The following WDFY3 variants were observed in gnomAD, a reference collection of about 807,000 sequenced individuals.
The protein encoded by WDFY3 is WD repeat and FYVE domain-containing protein 3.
In WDFY3, 66 loss-of-function variants were observed where a neutral mutation model predicts 409.6. That is an observed-to-expected ratio of 0.16 (90% CI 0.13 to 0.20). The LOEUF (loss-of-function observed/expected upper bound fraction) is 0.20, where lower values mean the gene tolerates loss of function less well. WDFY3 is among the 10% of genes least tolerant of loss of function. The pLI, the probability that WDFY3 is intolerant of heterozygous loss-of-function variation, is 1.00. For missense variants in WDFY3, 3,031 were observed against 4,298.1 expected, an observed-to-expected ratio of 0.71 and a Z score of 8.24; for synonymous variants, 1,521 against 1,537.1, an observed-to-expected ratio of 0.99 and a Z score of 0.25.
chr4:84,839,507 C>G (rs1757038520), intron 6 of WDFY3, among the ~76,000 whole-genome samples: 1 of 151,856 alleles, frequency 6.6e-6, no homozygotes, highest in Admixed American at 6.6e-5. Flanking sequence ...ATCCTAAAAC[C>G]TGGAAAATCC....
intron 3 of WDFY3, among the ~76,000 whole-genome samples, chr4:84,872,538 A>T (rs1403678459): frequency 6.6e-6 from 1 of 152,132 alleles, no homozygotes; most frequent in Non-Finnish European, 1.5e-5. Context: ...TTAAAACCTG[A>T]GAAGGCAAGA....
intron 5 of WDFY3, among the ~76,000 whole-genome samples, chr4:84,845,379 CAGA>C (rs959460659): frequency 6.6e-5 from 10 of 152,160 alleles, no homozygotes; most frequent in Middle Eastern, 3.4e-3. Context: ...GTCCAACTTA[CAGA>C]AGAAGAAAGC....
rs548139281 is a variant in WDFY3, at chr4:84,814,900, C to T, written c.1887+2492G>A. Among the ~76,000 whole-genome samples the T allele has an allele frequency of 2.0e-5, 3 of 152,162 alleles. No homozygotes were observed. The South Asian group carries it at 6.2e-4, about 32-fold the overall frequency. ...TTTCTGGGGGGTCTTAGAATGTATT[C>T]CCCCGAAGATATGGGGGGACTACCA... is the stretch of plus-strand genomic sequence containing the variant. On this transcript the variant is annotated intron_variant, in intron 13 of 67. Coordinates refer to ENST00000295888, the MANE Select transcript of WDFY3 (RefSeq NM_014991.6).
intron 3 of WDFY3, among the ~76,000 whole-genome samples, chr4:84,881,835 T>C (rs779044232): frequency 1.3e-5 from 2 of 151,684 alleles, no homozygotes; most frequent in Non-Finnish European, 2.9e-5. Flanking sequence ...GAGCTGAGAT[T>C]GTGCCACTGT....
At chr4:84,839,468 G>C (rs1460263801) in intron 6 of WDFY3, among the ~76,000 whole-genome samples, 2 of 151,894 alleles carry the variant, frequency 1.3e-5, no homozygotes, top group Non-Finnish European at 2.9e-5. Context: ...GCCTGAGACT[G>C]TGCAGTATCC....
intron 21 of WDFY3, among the ~76,000 whole-genome samples, chr4:84,793,447 C>A (rs888998959): frequency 1.3e-5 from 2 of 152,178 alleles, no homozygotes; most frequent in Non-Finnish European, 2.9e-5. Context: ...TTTGACTTCA[C>A]AGTCCTTGAG....
chr4:84,914,336 G>T (rs988942986), intron 2 of WDFY3, among the ~76,000 whole-genome samples: 1 of 152,082 alleles, frequency 6.6e-6, no homozygotes, highest in Non-Finnish European at 1.5e-5. Flanking sequence ...CAGGAGAATC[G>T]CTTGAACTTG....
chr4:84,733,345 A>G (rs778480949), intron 44 of WDFY3, 37 bp downstream of exon 44: 1 of 1,580,902 alleles, frequency 6.3e-7, no homozygotes, highest in South Asian at 1.1e-5. Context: ...TAAAAACTTG[A>G]AAGAGCCATT....
chr4:84,803,187 T>C (rs1273253254), intron 16 of WDFY3, 103 bp downstream of exon 16: 2 of 1,259,486 alleles, frequency 1.6e-6, no homozygotes, highest in East Asian at 5.4e-5. Flanking sequence ...CTTTAGTATG[T>C]AATATTAACT....
intron 56 of WDFY3, among the ~76,000 whole-genome samples, chr4:84,698,571 C>T (rs1730531969): frequency 6.6e-6 from 1 of 152,142 alleles, no homozygotes; most frequent in African/African-American, 2.4e-5. Context: ...GTGCTCCGCC[C>T]TTAATTTTGC....
At position 84,833,077 on chromosome 4, in the gene WDFY3, A is replaced by C. The variant is rs556982807; in HGVS notation, c.577-1472T>G. On this transcript the variant is annotated intron_variant, in intron 7 of 67. Transcript: ENST00000295888. ...AAGTCTGGCTTTCAAAGAAGACTCA[A>C]GACTTCTTAAGTACTGGAATGAGAA... Among the ~76,000 whole-genome samples the C allele has an allele frequency of 9.2e-5, 14 of 152,144 alleles. No homozygotes were observed. In the South Asian group the frequency reaches 2.3e-3, roughly 25 times the overall value.
intron 47 of WDFY3, among the ~76,000 whole-genome samples, chr4:84,721,101 C>A (rs1181705250): frequency 6.6e-6 from 1 of 152,184 alleles, no homozygotes; most frequent in African/African-American, 2.4e-5. Flanking sequence ...GGCCAGATTA[C>A]TGAATAGGCT....
intron 1 of WDFY3, among the ~76,000 whole-genome samples, chr4:84,956,980 T>TA (rs571594170): frequency 0.046 from 6,221 of 134,398 alleles, 134 homozygotes; most frequent in Non-Finnish European, 0.06. Flanking sequence ...ATGGTTTTCT[T>TA]AAAAAAAAAA....
intron 1 of WDFY3, among the ~76,000 whole-genome samples, chr4:84,947,087 G>A (rs577184573): frequency 4.0e-5 from 6 of 151,760 alleles, no homozygotes; most frequent in South Asian, 4.2e-4. Context: ...GATTACAGGC[G>A]TGAGCCACCG....
At chr4:84,942,734 T>C (rs1772301050) in intron 1 of WDFY3, among the ~76,000 whole-genome samples, 1 of 152,236 alleles carries the variant, frequency 6.6e-6, no homozygotes, top group Admixed American at 6.5e-5. Context: ...CTGTTCAAAT[T>C]ATTTGTTCAT....
At chr4:84,786,196 G>T in intron 23 of WDFY3, 57 bp from the exon 24 acceptor site, 1 of 1,496,628 alleles carries the variant, frequency 6.7e-7, no homozygotes, top group Non-Finnish European at 8.9e-7. Flanking sequence ...CTTAAAGTAA[G>T]TTTTTTATTC....
intron 3 of WDFY3, among the ~76,000 whole-genome samples, chr4:84,873,773 GT>G (rs1203493309): frequency 5.4e-4 from 81 of 149,796 alleles, no homozygotes; most frequent in African/African-American, 1.9e-3. Flanking sequence ...GTTTTTTTGT[GT>G]TTTTTTTTTG....
At chr4:84,788,504 CAA>C (rs1747917944) in intron 22 of WDFY3, among the ~76,000 whole-genome samples, 1 of 152,100 alleles carries the variant, frequency 6.6e-6, no homozygotes, top group Non-Finnish European at 1.5e-5. Context: ...AATGAAGGAG[CAA>C]CGTACTAGAG....
intron 13 of WDFY3, among the ~76,000 whole-genome samples, chr4:84,815,377 C>CT (rs1753137673): frequency 6.6e-6 from 1 of 152,136 alleles, no homozygotes; most frequent in Non-Finnish European, 1.5e-5. Flanking sequence ...AAGGAATTCT[C>CT]TTACTACTCA....
Sources: allele counts gnomAD v4.1 joint callset (sites outside exome capture counted in the v4.1 genomes callset), GRCh38; gene constraint gnomAD v4.1.1; transcripts MANE v1.5; gene names NCBI Gene and HGNC (gene_info 2026-07-23, HGNC 2026-07-21).